Variants in ABCA10 observed in about 807,000 individuals in gnomAD.
ABCA10 encodes ATP binding cassette subfamily A member 10.
A neutral mutation model predicts 187.5 loss-of-function variants in ABCA10; 169 were observed. That is an observed-to-expected ratio of 0.90 (90% CI 0.80 to 1.02). The LOEUF (loss-of-function observed/expected upper bound fraction) is 1.02. Among genes scored for constraint, ABCA10 ranks in the 50% least tolerant of loss-of-function variants. The pLI, the probability that ABCA10 is intolerant of heterozygous loss-of-function variation, is 0.00. For synonymous variants in ABCA10, 574 were observed against 601.8 expected (o/e 0.95, Z 0.68); for missense variants, 1,727 against 1,812.4 (o/e 0.95, Z 0.86).
chr17:69,156,899 G>C lies in ABCA10; in HGVS notation c.3388C>G (p.Leu1130Val). 2.5e-6 allele frequency: 4 copies of C among 1,584,476 alleles called. No homozygotes were observed. Among genetic ancestry groups the C allele is most frequent in the Non-Finnish European group, 3.4e-6 (4 of 1,165,314 alleles). Residue 1130 changes from leucine (L) to valine (V), a missense_variant, in exon 28 of 39, where the codon CTT (leucine) becomes GTT (valine). Coordinates refer to ENST00000690296, the MANE Select transcript of ABCA10 (RefSeq NM_001377321.1). ...ATTTCCAGACACCTTATGACAAAAAGGAAAATAACACTCTGAAGGTATGGC... is the reference window on the plus strand; with the variant it reads ...ATTTCCAGACACCTTATGACAAAAACGAAAATAACACTCTGAAGGTATGGC... ...LIPYLQSVIF[L>V]FVIRCLEMKY...
At chr17:69,164,835 T>C (rs557407080) in intron 26 of ABCA10, 129 bp downstream of exon 26, 1 of 1,219,518 alleles carries the variant, frequency 8.2e-7, no homozygotes, top group East Asian at 2.4e-5. Flanking sequence ...TTTAAAATCT[T>C]ATTTTTAGAA....
At chr17:69,183,583 C>T (rs1330659650) in intron 20 of ABCA10, among the ~76,000 whole-genome samples, 2 of 152,124 alleles carry the variant, frequency 1.3e-5, no homozygotes, top group African/African-American at 4.8e-5. Context: ...AAACACACAT[C>T]CTCACTGGGG....
intron 25 of ABCA10, among the ~76,000 whole-genome samples, chr17:69,172,291 C>G (rs939547155): frequency 1.2e-4 from 18 of 152,010 alleles, no homozygotes; most frequent in African/African-American, 4.4e-4. Context: ...ATTTTAACCC[C>G]CAGTAGCTCA....
chr17:69,157,788 T>C (rs1006658282), intron 27 of ABCA10, among the ~76,000 whole-genome samples: 2 of 149,102 alleles, frequency 1.3e-5, no homozygotes, highest in African/African-American at 2.5e-5. Flanking sequence ...TCCTTAAAGA[T>C]AGAAATAAAA....
At chr17:69,211,346 TATA>T (rs2074655638) in intron 9 of ABCA10, among the ~76,000 whole-genome samples, 1 of 27,734 alleles carries the variant, frequency 3.6e-5, no homozygotes, top group African/African-American at 1.5e-4. Flanking sequence ...TATATATATA[TATA>T]TATATATATA....
upstream of ABCA10, among the ~76,000 whole-genome samples, chr17:69,231,341 G>C (rs2074830659): frequency 6.6e-6 from 1 of 151,952 alleles, no homozygotes; most frequent in African/African-American, 2.4e-5. Flanking sequence ...TGTTATTCTA[G>C]TTTCTTGAGT....
At chr17:69,240,957 T>C (rs2074900151) in intron 1 of ABCA10, among the ~76,000 whole-genome samples, 1 of 152,202 alleles carries the variant, frequency 6.6e-6, no homozygotes, top group Admixed American at 6.5e-5. Context: ...CAATACCCCC[T>C]GACTCTCAGC....
chr17:69,174,884 T>G, intron 23 of ABCA10, 107 bp from the exon 24 acceptor site: 2 of 966,912 alleles, frequency 2.1e-6, no homozygotes, highest in South Asian at 6.8e-5. Flanking sequence ...TGTTATAGTG[T>G]CTGTGTGACA....
At chr17:69,175,737 G>A (rs556255529) in intron 22 of ABCA10, 40 of 327,946 alleles carry the variant, frequency 1.2e-4, no homozygotes, top group African/African-American at 5.9e-4. Context: ...ATGTATATAC[G>A]GTAGTCTCCC....
intron 25 of ABCA10, among the ~76,000 whole-genome samples, 189 bp downstream of exon 25, chr17:69,174,092 A>C (rs150412056): frequency 3.9e-4 from 59 of 152,260 alleles, no homozygotes; most frequent in African/African-American, 1.4e-3. Context: ...ACAAATGGGA[A>C]ATAAAGGAAA....
chr17:69,222,604 G>T lies in ABCA10; in HGVS notation c.128C>A (p.Thr43Asn). The T allele has an allele frequency of 6.2e-7, 1 of 1,603,652 alleles. No homozygotes were observed. Among genetic ancestry groups the T allele is most frequent in the Middle Eastern group, 1.7e-4 (1 of 6,036 alleles). The change falls in exon 4 of 39, where the codon ACT (threonine) becomes AAT (asparagine). Residue 43 changes from threonine to asparagine, a missense_variant. Physicochemically the swap from Thr to Asn is moderately conservative, Grantham distance 65. Transcript: ENST00000690296. ...ATTAAACTTCAGGCGATATGAGAAA[G>T]TATCACTAAATATAACTCCCACCAT... ...HEMVGVIFSD[T>N]FSYRLKFNWG... is the part of the protein sequence containing the mutation.
chr17:69,150,096 G>A, intron 36 of ABCA10, 33 bp from the exon 37 acceptor site: 1 of 1,513,944 alleles, frequency 6.6e-7, no homozygotes, highest in Non-Finnish European at 9.1e-7. Context: ...TTATTACTAA[G>A]TTTCAGTGTG....
intron 10 of ABCA10, among the ~76,000 whole-genome samples, chr17:69,198,864 G>T (rs1352395244): frequency 6.6e-6 from 1 of 152,110 alleles, no homozygotes; most frequent in African/African-American, 2.4e-5. Context: ...ATCTATCAAA[G>T]TTCTGGTTAC....
At chr17:69,191,098 T>C in intron 17 of ABCA10, 78 bp downstream of exon 17, 3 of 1,272,122 alleles carry the variant, frequency 2.4e-6, no homozygotes, top group Non-Finnish European at 3.1e-6. Flanking sequence ...TAGAACTCGA[T>C]TCATAGAACA....
intron 1 of ABCA10, among the ~76,000 whole-genome samples, chr17:69,237,163 G>T (rs1340055019): frequency 6.6e-6 from 1 of 152,138 alleles, no homozygotes; most frequent in Non-Finnish European, 1.5e-5. Context: ...CAAGTCTTAC[G>T]TTCTATGAAA....
intron 9 of ABCA10, 123 bp downstream of exon 9, chr17:69,214,581 T>C: frequency 2.3e-6 from 2 of 854,786 alleles, no homozygotes; most frequent in Non-Finnish European, 3.3e-6. Flanking sequence ...AATTCTATTG[T>C]TTTGAAATTT....
In ABCA10 at chr17:69,174,799, A is replaced by G. The variant is rs1367327687; in HGVS notation, c.2878-22T>C. ...TTTTCTGACAAAGAATAGAAGGGAT[A>G]GAGGAAGGGATCTTAGTTTGAAAAG... On this transcript the variant is annotated intron_variant, in intron 23 of 38. Coordinates refer to ENST00000690296, the MANE Select transcript of ABCA10 (RefSeq NM_001377321.1). 5 of 1,528,682 alleles carry G rather than the reference A, an allele frequency of 3.3e-6. No homozygotes were observed. In the African/African-American group the frequency reaches 7.0e-5, roughly 21 times the overall value. 94.7% of individuals were successfully genotyped at this position (1,528,682 alleles called of 1,614,324 possible).
intron 1 of ABCA10, chr17:69,234,720 A>G (rs967732630): frequency 6.6e-5 from 10 of 152,194 alleles, no homozygotes; most frequent in Admixed American, 5.9e-4. Context: ...CACTCTCCCC[A>G]GTTAATTTTG....
chr17:69,157,780 C>T (rs2074185418), intron 27 of ABCA10, among the ~76,000 whole-genome samples: 1 of 151,408 alleles, frequency 6.6e-6, no homozygotes, highest in African/African-American at 2.4e-5. Context: ...ACTGGACATC[C>T]TTAAAGATAG....
Sources: gnomAD v4.1 joint callset for allele counts (sites outside exome capture counted in the v4.1 genomes callset) on GRCh38, gnomAD v4.1.1 for gene constraint, MANE v1.5 for transcripts, NCBI Gene and HGNC (gene_info 2026-07-23, HGNC 2026-07-21) for gene names.